The following LRP1 variants were observed in gnomAD, a reference collection of about 807,000 sequenced individuals.
LRP1 encodes LDL receptor related protein 1, also known as prolow-density lipoprotein receptor-related protein 1.
In LRP1, 51 loss-of-function variants were observed where a neutral mutation model predicts 541.5. That is an observed-to-expected ratio of 0.09 (90% CI 0.08 to 0.12). The LOEUF (loss-of-function observed/expected upper bound fraction) is 0.12. LRP1 is among the 10% of genes least tolerant of loss of function. The pLI is 1.00. For synonymous variants in LRP1, 2,219 were observed against 2,470.8 expected (o/e 0.90, Z 3.02); for missense variants, 3,878 against 6,376.2 (o/e 0.61, Z 13.34).
In LRP1 at chr12:57,208,224, A is replaced by G. The variant is rs780178522; in HGVS notation, c.12038+8A>G. The G allele has an allele frequency of 1.9e-6, 3 of 1,612,162 alleles. No homozygotes were observed. The East Asian group carries it at 6.7e-5, about 36-fold the overall frequency. On this transcript the variant is annotated splice_region_variant and intron_variant, in intron 77 of 88. Transcript: ENST00000243077. The stretch of plus-strand genomic sequence containing the variant: ...GGTGGACCCACTGAGGGGGTGGGCA[A>G]GGGCCCTGGGGGGAGGCCTCTGGGC...
Position 57,202,542 on chromosome 12 carries a change from G to GGGGGCCCCCCCCCCCCCCCCCCCCACAC in LRP1, c.10711+5_10711+6insGGGGCCCCCCCCCCCCCCCCCCCCACAC. 6.4e-7 allele frequency: 1 copy of GGGGGCCCCCCCCCCCCCCCCCCCCACAC among 1,563,850 alleles called. No individual in the cohort carries two copies. Among genetic ancestry groups the GGGGGCCCCCCCCCCCCCCCCCCCCACAC allele is most frequent in the Non-Finnish European group, 8.7e-7 (1 of 1,153,430 alleles). On this transcript the variant is annotated splice_donor_region_variant and intron_variant, in intron 68 of 88. Coordinates refer to ENST00000243077, the MANE Select transcript of LRP1 (RefSeq NM_002332.3). ...ACTCCGATGAAGAGAGCTGCAGTAC[G>GGGGGCCCCCCCCCCCCCCCCCCCCACAC]TCCCCACCCACCCAGCCCCGCATGA...
intron 3 of LRP1, among the ~76,000 whole-genome samples, chr12:57,143,209 G>A (rs1396882485): frequency 6.6e-6 from 1 of 152,190 alleles, no homozygotes; most frequent in Non-Finnish European, 1.5e-5. Context: ...GGGCTCCGGG[G>A]ATGGGTTAGA....
Position 57,156,190 on chromosome 12 carries a change from G to C in LRP1, c.1324G>C (p.Val442Leu). ...CCAGCAGAAGACGAGTGTGATCCGT[G>C]TGAACCGCTTTAACAGCACCGAGTA... ...NAQQKTSVIR[V>L]NRFNSTEYQV... is the part of the protein sequence containing the mutation. The change falls in exon 9 of 89, where the codon GTG becomes CTG. Residue 442 changes from valine (V) to leucine (L), a missense_variant. This residue lies in a region of LRP1 where 496 missense variants were observed against 861.0 expected (regional missense o/e 0.58). Coordinates refer to ENST00000243077, the MANE Select transcript of LRP1 (RefSeq NM_002332.3). This position sits in a 1 kb window ranked among gnomAD's most constrained non-coding sequence, Gnocchi z 5.2. 1.2e-6 allele frequency: 2 copies of C among 1,614,134 alleles called. No individual in the cohort carries two copies. Among genetic ancestry groups the C allele is most frequent in the Middle Eastern group, 3.3e-4 (2 of 6,062 alleles).
Position 57,173,406 on chromosome 12 carries a change from C to G in LRP1, c.3346+56C>G. 9.6e-6 allele frequency: 15 copies of G among 1,559,714 alleles called. No individual in the cohort carries two copies. In the South Asian group the frequency reaches 1.8e-4, roughly 18 times the overall value. On this transcript the variant is annotated intron_variant, in intron 21 of 88. Transcript: ENST00000243077. This position sits in a 1 kb window ranked among gnomAD's most constrained non-coding sequence, Gnocchi z 4.7. The stretch of plus-strand genomic sequence containing the variant: ...CAGCACAATGTGGGCAGGAGGAGAC[C>G]GTGTTGAGAGCAGAGTAGCGGCAAA...
chr12:57,142,762 T>A (rs531982620), intron 3 of LRP1, among the ~76,000 whole-genome samples: 9 of 152,176 alleles, frequency 5.9e-5, no homozygotes, highest in Non-Finnish European at 1.3e-4. Context: ...AATGATATTT[T>A]CCCCCTCTGT....
chr12:57,173,805 G>A lies in LRP1; in HGVS notation c.3372G>A (p.Val1124=). 2 of 1,614,244 alleles carry A rather than the reference G, an allele frequency of 1.2e-6. No homozygotes were observed. Among genetic ancestry groups the A allele is most frequent in the Non-Finnish European group, 1.7e-6 (2 of 1,180,042 alleles). Residue 1124 remains valine, a synonymous_variant, in exon 22 of 89, where the codon GTG becomes GTA. Coordinates refer to ENST00000243077, the MANE Select transcript of LRP1 (RefSeq NM_002332.3). This position sits in a 1 kb window ranked among gnomAD's most constrained non-coding sequence, Gnocchi z 4.7. ...DSARCISKAW[V]CDGDNDCEDN... ...CTCGGTGCATCAGCAAAGCGTGGGT[G>A]TGTGATGGCGACAATGACTGTGAGG...
Position 57,202,505 on chromosome 12 carries a change from AT to A in LRP1, c.10681del (p.Cys3561AlafsTer222), listed in dbSNP as rs1329252872. On this transcript the variant is annotated frameshift_variant, in exon 68 of 89. Transcript: ENST00000243077. LOFTEE classifies it high-confidence loss of function. ...CGCTGGCAGTGCGACTACGACAACG[AT>A]TGCGGTGACAACTCCGATGAAGAGA... Reference protein sequence around the residue: ...PGRWQCDYDNDCGDNSDEESC... With the variant: ...PGRWQCDYDNXCGDNSDEESC... 1 of 1,613,168 alleles carries A rather than the reference AT, an allele frequency of 6.2e-7. No homozygotes were observed.
At chr12:57,203,105 T>C in intron 68 of LRP1, 76 bp from the exon 69 acceptor site, 3 of 1,084,748 alleles carry the variant, frequency 2.8e-6, no homozygotes, top group Non-Finnish European at 3.9e-6. Context: ...GGCCTTGGGC[T>C]CGGGACTGTG....
Position 57,203,495 on chromosome 12 carries a change from G to A in LRP1, c.10925G>A (p.Ser3642Asn). The change falls in exon 70 of 89, where the codon AGC becomes AAC. Residue 3642 changes from serine to asparagine, a missense_variant. Transcript: ENST00000243077. ...CDADADCMDG[S>N]DEEACGTGVR... is the part of the protein sequence containing the mutation. ...GCAGACGCCGACTGCATGGACGGCAGCGACGAGGAGGCCTGCGGCACTGGC... is the reference window on the plus strand; with the variant it reads ...GCAGACGCCGACTGCATGGACGGCAACGACGAGGAGGCCTGCGGCACTGGC... 6.4e-7 allele frequency: 1 copy of A among 1,559,398 alleles called. No individual in the cohort carries two copies. Among genetic ancestry groups the A allele is most frequent in the Non-Finnish European group, 8.7e-7 (1 of 1,150,454 alleles).
rs778648280 is a variant in LRP1, at chr12:57,194,490, G to A, written c.8055G>A (p.Glu2685=). 52 of 1,604,688 alleles carry A rather than the reference G, an allele frequency of 3.2e-5. No individual in the cohort carries two copies. In the South Asian group the frequency reaches 5.5e-4, roughly 17 times the overall value. ...ATGACTGTGGGGACTACAGTGATGAGCGCGACTGCCCAGGTGGGCGGGGGC... is the reference window on the plus strand; with the variant it reads ...ATGACTGTGGGGACTACAGTGATGAACGCGACTGCCCAGGTGGGCGGGGGC... ...GANDCGDYSD[E]RDCPGVKRPR... The change falls in exon 49 of 89, where the codon GAG becomes GAA. Residue 2685 remains glutamate, a synonymous_variant. Coordinates refer to ENST00000243077, the MANE Select transcript of LRP1 (RefSeq NM_002332.3).
chr12:57,173,388 A>C lies in LRP1; in HGVS notation c.3346+38A>C. 1.3e-6 allele frequency: 2 copies of C among 1,595,298 alleles called. No individual in the cohort carries two copies. The highest frequency in any genetic ancestry group is 1.7e-6 in the Non-Finnish European group (2 of 1,167,190). On this transcript the variant is annotated intron_variant, in intron 21 of 88. Transcript: ENST00000243077. The surrounding 1 kb of genome is among the most constrained non-coding windows in gnomAD (Gnocchi z 4.7). ...GTTGGAGGGCGTCTGGAACAGCACA[A>C]TGTGGGCAGGAGGAGACCGTGTTGA...
rs374300272 is a variant in LRP1 at position 57,197,773 on chromosome 12, C to T, written c.9282+109C>T. On this transcript the variant is annotated intron_variant, in intron 58 of 88. Transcript: ENST00000243077. The surrounding 1 kb of genome is among the most constrained non-coding windows in gnomAD (Gnocchi z 4.5). ...CCCAAATTGCTTCCTTCTCACTCCA[C>T]TAGTCACTATATGACTGCTTGTTCT... 1.7e-5 allele frequency: 22 copies of T among 1,292,666 alleles called. No homozygotes were observed. The African/African-American group carries it at 2.1e-4, about 12-fold the overall frequency. The allele number at this position is 1,292,666 out of a possible 1,614,324, so 80.1% of individuals were successfully genotyped here. A position where few individuals can be genotyped will look rare whatever the true frequency, so the allele number is the denominator to read the frequency against.
chr12:57,180,044 C>A lies in LRP1; in HGVS notation c.5142-3C>A, dbSNP rs767046917. The A allele has an allele frequency of 6.2e-7, 1 of 1,613,868 alleles. No individual in the cohort carries two copies. Among genetic ancestry groups the A allele is most frequent in the Non-Finnish European group, 8.5e-7 (1 of 1,179,912 alleles). On this transcript the variant is annotated splice_polypyrimidine_tract_variant and splice_region_variant and intron_variant, in intron 30 of 88. Transcript: ENST00000243077. ...CCTTTCCCTCTTGGCACCCTCCCCC[C>A]AGGAAGCTCTACTGGACCGATGGTG...
Position 57,145,329 on chromosome 12 carries a change from C to T in LRP1, c.680C>T (p.Thr227Met), listed in dbSNP as rs138733357. The part of the protein sequence containing the change: ...AQVSTITPTS[T>M]RQTTAMDFSY... ...GTGTCTACCATCACACCTACGAGCACGCGGCAGACCACAGCCATGGACTTC... is the reference window on the plus strand; with the variant it reads ...GTGTCTACCATCACACCTACGAGCATGCGGCAGACCACAGCCATGGACTTC... Residue 227 changes from threonine to methionine, a missense_variant, in exon 6 of 89, where the codon ACG (threonine) becomes ATG (methionine). Thr to Met is a moderately conservative substitution (Grantham distance 81, BLOSUM62 -1). Transcript: ENST00000243077. 28 of 1,614,044 alleles carry T rather than the reference C, an allele frequency of 1.7e-5. No individual in the cohort carries two copies. The highest frequency in any genetic ancestry group is 6.7e-5 in the East Asian group (3 of 44,888).
At position 57,205,433 on chromosome 12, in the gene LRP1, C is replaced by T; in HGVS notation, c.11418C>T (p.Tyr3806=). Residue 3806 remains tyrosine (Y), a synonymous_variant, in exon 74 of 89, where the codon TAC becomes TAT. Transcript: ENST00000243077. The surrounding 1 kb of genome is among the most constrained non-coding windows in gnomAD (Gnocchi z 4.6). ...ARCVRTEKAA[Y]CACRSGFHTV... is the part of the protein sequence containing the mutation. Reference sequence around the variant, plus strand: ...GCGTGCGCACCGAGAAAGCGGCCTACTGTGCCTGCCGCTCGGGCTTCCACA... The same window carrying T: ...GCGTGCGCACCGAGAAAGCGGCCTATTGTGCCTGCCGCTCGGGCTTCCACA... 1 of 1,610,674 alleles carries T rather than the reference C, an allele frequency of 6.2e-7. No homozygotes were observed. Among genetic ancestry groups the T allele is most frequent in the Non-Finnish European group, 8.5e-7 (1 of 1,179,660 alleles).
chr12:57,193,173 C>T lies in LRP1; in HGVS notation c.7556-3C>T. 6.2e-7 allele frequency: 1 copy of T among 1,613,802 alleles called. No individual in the cohort carries two copies. The highest frequency in any genetic ancestry group is 1.3e-5 in the African/African-American group (1 of 75,056). On this transcript the variant is annotated splice_region_variant and splice_polypyrimidine_tract_variant and intron_variant, in intron 45 of 88. Transcript: ENST00000243077. ...AGAAAGCTCCCTCCACCTCCCTCCC[C>T]AGCGGTGAATTCCTCTTGCCGAGCA... is the stretch of plus-strand genomic sequence containing the variant.
Position 57,208,695 on chromosome 12 carries a change from C to G in LRP1, c.12039-16C>G. The G allele has an allele frequency of 6.4e-7, 1 of 1,573,558 alleles. No individual in the cohort carries two copies. The highest frequency in any genetic ancestry group is 8.7e-7 in the Non-Finnish European group (1 of 1,145,916). The stretch of plus-strand genomic sequence containing the variant: ...GCCCTCCGGCCTGCCCACACTCACC[C>G]CTTCTCCCTCCCCAGGACCATGTAC... On this transcript the variant is annotated splice_polypyrimidine_tract_variant and intron_variant, in intron 77 of 88. Coordinates refer to ENST00000243077, the MANE Select transcript of LRP1 (RefSeq NM_002332.3).
chr12:57,130,303 C>G (rs1451590484), intron 1 of LRP1, among the ~76,000 whole-genome samples: 3 of 152,140 alleles, frequency 2.0e-5, no homozygotes, highest in African/African-American at 7.2e-5. Flanking sequence ...TTATCTCCCT[C>G]CCTCTCCCTA....
Position 57,198,589 on chromosome 12 carries a change from G to A in LRP1, c.9595G>A (p.Val3199Ile). 1 of 1,613,946 alleles carries A rather than the reference G, an allele frequency of 6.2e-7. No individual in the cohort carries two copies. Among genetic ancestry groups the A allele is most frequent in the Non-Finnish European group, 8.5e-7 (1 of 1,179,988 alleles). ...GCCCAATGGCCTGACGCTGGACTAT[G>A]TCACTGAGCGCATCTACTGGGCCGA... ...TWPNGLTLDY[V>I]TERIYWADAR... The change falls in exon 60 of 89, where the codon GTC becomes ATC. Residue 3199 changes from valine (V) to isoleucine (I), a missense_variant. Around this residue, in one of 13 missense-constraint regions of LRP1, gnomAD observed 1,100 missense variants for 1,827.4 expected, o/e 0.60. Transcript: ENST00000243077.
Sources: allele counts gnomAD v4.1 joint callset (sites outside exome capture counted in the v4.1 genomes callset), GRCh38; gene constraint gnomAD v4.1.1; regional missense constraint gnomAD v4.1.1; non-coding constraint Gnocchi (gnomAD v3.1); transcripts MANE v1.5; gene names NCBI Gene and HGNC (gene_info 2026-07-23, HGNC 2026-07-21).